SNAP91: variants seen among roughly 807,000 people sequenced by gnomAD.
SNAP91 encodes the protein clathrin coat assembly protein AP180.
Under a neutral mutation model 100.3 loss-of-function variants are expected in SNAP91, and 27 were observed. The ratio of observed to expected loss-of-function variants is 0.27; its 90% CI spans 0.20 to 0.37. The LOEUF (loss-of-function observed/expected upper bound fraction) is 0.37, where lower values mean the gene tolerates loss of function less well. Among genes scored for constraint, SNAP91 ranks in the 10% least tolerant of loss-of-function variants. The pLI, the probability that SNAP91 is intolerant of heterozygous loss-of-function variation, is 1.00. For missense variants in SNAP91, 986 were observed against 1,123.7 expected, an observed-to-expected ratio of 0.88 and a Z score of 1.75; for synonymous variants, 404 against 398.6, an observed-to-expected ratio of 1.01 and a Z score of -0.16.
intron 9 of SNAP91, among the ~76,000 whole-genome samples, chr6:83,619,710 AT>A (rs1231386195): frequency 6.6e-6 from 1 of 152,062 alleles, no homozygotes; most frequent in Non-Finnish European, 1.5e-5. Context: ...AAAACATAAG[AT>A]TTTTTTCATA....
chr6:83,685,911 A>G (rs2099053963), intron 2 of SNAP91, among the ~76,000 whole-genome samples: 1 of 152,148 alleles, frequency 6.6e-6, no homozygotes, highest in African/African-American at 2.4e-5. Context: ...TTAAAAAAAT[A>G]GGTCTTTTTT....
chr6:83,701,985 T>C (rs2099318417), intron 2 of SNAP91, among the ~76,000 whole-genome samples: 1 of 152,152 alleles, frequency 6.6e-6, no homozygotes, highest in African/African-American at 2.4e-5. Context: ...ACACAGGGTA[T>C]ACCATTCAAC....
Position 83,576,065 on chromosome 6 carries a change from T to TAAAAGAA in SNAP91, c.2300-19_2300-13dup. On this transcript the variant is annotated splice_polypyrimidine_tract_variant and intron_variant, in intron 24 of 29. Coordinates refer to ENST00000369694, the MANE Select transcript of SNAP91 (RefSeq NM_001242792.2). ...AGAAATTCCAAGATCTATAAATGGA[T>TAAAAGAA]AAAAGAAAAAAGAATGTAAATCTCT... is the stretch of plus-strand genomic sequence containing the variant. The TAAAAGAA allele has an allele frequency of 1.5e-6, 2 of 1,309,526 alleles. No individual in the cohort carries two copies. The highest frequency in any genetic ancestry group is 2.1e-6 in the Non-Finnish European group (2 of 946,730). The allele number at this position is 1,309,526 out of a possible 1,614,324, so 81.1% of individuals were successfully genotyped here.
rs759058403 is a variant in SNAP91 at position 83,593,733 on chromosome 6, C to A, written c.1441G>T (p.Ala481Ser). 1.9e-6 allele frequency: 3 copies of A among 1,564,814 alleles called. No homozygotes were observed. Among genetic ancestry groups the A allele is most frequent in the African/African-American group, 2.7e-5 (2 of 73,356 alleles). ...GCCTCTGCACTACCTTCAGACGGGG[C>A]AAAGGGGTCTTTTGGAAAGGAAAGT... ...LDACSGNDPF[A>S]PSEGSAEAAP... is the part of the protein sequence containing the mutation. Residue 481 changes from alanine (A) to serine (S), a missense_variant, in exon 18 of 30, where the codon GCC (alanine) becomes TCC (serine). Around this residue, in one of 4 missense-constraint regions of SNAP91, gnomAD observed 575 missense variants for 579.9 expected, o/e 0.99. Transcript: ENST00000369694.
chr6:83,689,647 T>G (rs2099106168), intron 2 of SNAP91: 1 of 152,106 alleles, frequency 6.6e-6, no homozygotes, highest in South Asian at 2.1e-4. Context: ...TTCCATAATC[T>G]AAGTACAAAA....
chr6:83,649,544 T>C (rs150976191), intron 7 of SNAP91, among the ~76,000 whole-genome samples: 1 of 152,256 alleles, frequency 6.6e-6, no homozygotes, highest in Non-Finnish European at 1.5e-5. Context: ...CCATCTCACA[T>C]TGAAGGTGAT....
intron 2 of SNAP91, 81 bp from the exon 3 acceptor site, chr6:83,665,662 G>T: frequency 8.3e-7 from 1 of 1,203,328 alleles, no homozygotes; most frequent in Non-Finnish European, 1.2e-6. Flanking sequence ...ATATAAGCCT[G>T]TTTACTAATA....
In SNAP91 at chr6:83,586,145, C is replaced by T. The variant is rs182065544; in HGVS notation, c.2015-3789G>A. Among the ~76,000 whole-genome samples the T allele has an allele frequency of 3.1e-3, 470 of 152,250 alleles. 1 individual carries two copies. The highest frequency in any genetic ancestry group is 4.5e-3 in the Non-Finnish European group (308 of 68,014). On this transcript the variant is annotated intron_variant, in intron 22 of 29. Transcript: ENST00000369694. ...TTATATAGGCATGAGCCACCGTGCC[C>T]GGCCACAAGAGTGCAATTTTAAAAC...
rs573655061 is a variant in SNAP91, at chr6:83,615,769, C to A, written c.879-907G>T. Reference sequence around the variant, plus strand: ...TTGAAAAAATATTATAGAAATAACACAGCTAATGAAATAACCAGAAAAAAA... The same window carrying A: ...TTGAAAAAATATTATAGAAATAACAAAGCTAATGAAATAACCAGAAAAAAA... On this transcript the variant is annotated intron_variant, in intron 10 of 29. Coordinates refer to ENST00000369694, the MANE Select transcript of SNAP91 (RefSeq NM_001242792.2). 2.0e-5 allele frequency among the ~76,000 whole-genome samples: 3 copies of A among 152,140 alleles called. No individual in the cohort carries two copies. In the South Asian group the frequency reaches 6.2e-4, roughly 32 times the overall value.
intron 23 of SNAP91, among the ~76,000 whole-genome samples, chr6:83,580,858 G>C (rs1397169073): frequency 2.0e-5 from 3 of 152,144 alleles, no homozygotes; most frequent in Non-Finnish European, 4.4e-5. Flanking sequence ...AATGAACTGG[G>C]CTTCAATTCA....
At chr6:83,653,609 C>T (rs991421011) in intron 7 of SNAP91, among the ~76,000 whole-genome samples, 7 of 152,132 alleles carry the variant, frequency 4.6e-5, no homozygotes, top group Admixed American at 1.3e-4. Flanking sequence ...CCTGCCATGT[C>T]GGGTTCTGAT....
chr6:83,663,210 A>C (rs2098597529), intron 3 of SNAP91, among the ~76,000 whole-genome samples: 1 of 152,078 alleles, frequency 6.6e-6, no homozygotes, highest in Non-Finnish European at 1.5e-5. Context: ...ACACAAAAAT[A>C]TTGCAATTAA....
intron 11 of SNAP91, among the ~76,000 whole-genome samples, chr6:83,613,135 G>T (rs547415124): frequency 3.3e-5 from 5 of 152,120 alleles, no homozygotes; most frequent in South Asian, 2.1e-4. Context: ...AATGATACTT[G>T]CAGTTATCCC....
chr6:83,667,867 A>G (rs954336807), intron 2 of SNAP91, among the ~76,000 whole-genome samples: 1 of 152,212 alleles, frequency 6.6e-6, no homozygotes, highest in African/African-American at 2.4e-5. Context: ...GCACAGCAAA[A>G]GAAACTACCA....
intron 2 of SNAP91, among the ~76,000 whole-genome samples, chr6:83,672,359 C>T (rs2098799689): frequency 6.6e-6 from 1 of 152,082 alleles, no homozygotes; most frequent in Non-Finnish European, 1.5e-5. Context: ...TTCACAATCT[C>T]ACTCTGCTAC....
At chr6:83,668,012 T>C (rs1586600717) in intron 2 of SNAP91, among the ~76,000 whole-genome samples, 1 of 152,078 alleles carries the variant, frequency 6.6e-6, no homozygotes, top group Non-Finnish European at 1.5e-5. Context: ...CATCAACAAG[T>C]GGGCAAAGGA....
rs368506100 is a variant in SNAP91 at position 83,576,013 on chromosome 6, A to C, written c.2330+10T>G. 7.1e-7 allele frequency: 1 copy of C among 1,403,260 alleles called. No individual in the cohort carries two copies. The highest frequency in any genetic ancestry group is 9.7e-7 in the Non-Finnish European group (1 of 1,029,496). The allele number at this position is 1,403,260 out of a possible 1,614,324, so 86.9% of individuals were successfully genotyped here. On this transcript the variant is annotated intron_variant, in intron 25 of 29. Transcript: ENST00000369694. ...ATCAAAAGGAAATCACATAATTTCCAAACACTTACTTTTTTGTTGTGGTAC... is the reference window on the plus strand; with the variant it reads ...ATCAAAAGGAAATCACATAATTTCCCAACACTTACTTTTTTGTTGTGGTAC...
chr6:83,627,774 T>G (rs1267016461), intron 8 of SNAP91, among the ~76,000 whole-genome samples: 1 of 152,052 alleles, frequency 6.6e-6, no homozygotes, highest in Non-Finnish European at 1.5e-5. Flanking sequence ...TCGATCAATC[T>G]TGTTTATCCT....
intron 22 of SNAP91, among the ~76,000 whole-genome samples, chr6:83,588,052 T>C (rs2093066885): frequency 1.7e-5 from 1 of 57,804 alleles, no homozygotes; most frequent in Non-Finnish European, 3.2e-5. Context: ...TGGCTCAAAC[T>C]CCTGACTTCA....
Sources: allele counts gnomAD v4.1 joint callset (sites outside exome capture counted in the v4.1 genomes callset), GRCh38; gene constraint gnomAD v4.1.1; regional missense constraint gnomAD v4.1.1; transcripts MANE v1.5; gene names NCBI Gene and HGNC (gene_info 2026-07-23, HGNC 2026-07-21).